Variants in SERPINI2 observed in about 807,000 individuals in gnomAD.
SERPINI2 encodes the protein serpin I2.
A neutral mutation model predicts 47.3 loss-of-function variants in SERPINI2; 48 were observed. That is an observed-to-expected ratio of 1.02 (90% CI 0.81 to 1.29). The LOEUF (loss-of-function observed/expected upper bound fraction) is 1.29, where lower values mean the gene tolerates loss of function less well. Among genes scored for constraint, SERPINI2 ranks in the 50% most tolerant of loss-of-function variants. SERPINI2 has a pLI of 0.00. For synonymous variants in SERPINI2, 135 were observed against 149.3 expected (o/e 0.90, Z 0.70); for missense variants, 448 against 456.9 (o/e 0.98, Z 0.18).
intron 5 of SERPINI2, among the ~76,000 whole-genome samples, chr3:167,458,404 C>T (rs1334409823): frequency 2.7e-5 from 4 of 150,336 alleles, no homozygotes; most frequent in Admixed American, 6.6e-5. Context: ...GCGCCTGCCA[C>T]CACGCCTGGC....
intron 7 of SERPINI2, 181 bp from the exon 8 acceptor site, chr3:167,446,662 A>G (rs1749488389): frequency 7.2e-6 from 3 of 415,968 alleles, no homozygotes; most frequent in Non-Finnish European, 8.6e-6. Flanking sequence ...AAAGTACTGA[A>G]GAATAAATAT....
intron 1 of SERPINI2, 88 bp from the exon 2 acceptor site, chr3:167,471,932 T>C: frequency 1.0e-6 from 1 of 953,222 alleles, no homozygotes; most frequent in Non-Finnish European, 1.6e-6. Flanking sequence ...TGTTGTAGCT[T>C]TCTATCTTAA....
intron 1 of SERPINI2, 51 bp from the exon 2 acceptor site, chr3:167,471,895 A>G: frequency 2.1e-6 from 3 of 1,427,528 alleles, no homozygotes; most frequent in Non-Finnish European, 2.9e-6. Context: ...AGTTTTCCAC[A>G]GAGAGCTCAA....
chr3:167,450,769 A>C (rs1334096586), intron 6 of SERPINI2, among the ~76,000 whole-genome samples: 1 of 152,130 alleles, frequency 6.6e-6, no homozygotes, highest in Non-Finnish European at 1.5e-5. Flanking sequence ...CCAAGAGGAA[A>C]GACCAAAAAG....
intron 2 of SERPINI2, among the ~76,000 whole-genome samples, chr3:167,471,284 CAT>C (rs984730670): frequency 2.6e-5 from 4 of 152,084 alleles, no homozygotes; most frequent in Admixed American, 6.6e-5. Flanking sequence ...CACACACACA[CAT>C]GCACGCCCAG....
At chr3:167,476,897 T>G (rs75746636), upstream of SERPINI2, among the ~76,000 whole-genome samples, 1 of 152,100 alleles carries the variant, frequency 6.6e-6, no homozygotes, top group African/African-American at 2.4e-5. Context: ...CATTCTACTT[T>G]TATAACATCT....
intron 8 of SERPINI2, among the ~76,000 whole-genome samples, chr3:167,444,452 C>T (rs1749414250): frequency 6.6e-6 from 1 of 152,150 alleles, no homozygotes; most frequent in Admixed American, 6.5e-5. Flanking sequence ...CATTCATCCT[C>T]ATACTTCAGA....
chr3:167,458,965 C>A (rs1025616865), intron 5 of SERPINI2, among the ~76,000 whole-genome samples: 1 of 152,132 alleles, frequency 6.6e-6, no homozygotes, highest in African/African-American at 2.4e-5. Context: ...ATCATTTTTG[C>A]CCATACACAC....
At chr3:167,458,072 T>C (rs1361812924) in intron 5 of SERPINI2, among the ~76,000 whole-genome samples, 3 of 152,156 alleles carry the variant, frequency 2.0e-5, no homozygotes, top group South Asian at 4.1e-4. Flanking sequence ...TCATTGCATA[T>C]AGGATTTATT....
intron 5 of SERPINI2, among the ~76,000 whole-genome samples, chr3:167,462,806 T>C (rs779561192): frequency 6.6e-6 from 1 of 152,102 alleles, no homozygotes; most frequent in Non-Finnish European, 1.5e-5. Context: ...AATAGTTGTA[T>C]GGGAAGTGTG....
intron 2 of SERPINI2, among the ~76,000 whole-genome samples, chr3:167,470,550 C>CTTGTTTTTTT (rs1750277158): frequency 1.7e-4 from 16 of 93,036 alleles, no homozygotes; most frequent in African/African-American, 8.5e-4. Context: ...TGAGCAACAA[C>CTTGTTTTTTT]TTTTTTTTTT....
intron 5 of SERPINI2, among the ~76,000 whole-genome samples, chr3:167,459,085 T>G (rs1749905240): frequency 1.3e-5 from 2 of 151,224 alleles, no homozygotes; most frequent in Non-Finnish European, 3.0e-5. Context: ...TTTGTTTTTT[T>G]TTTTTTTGAG....
At chr3:167,449,870 A>G (rs1749596045) in intron 6 of SERPINI2, among the ~76,000 whole-genome samples, 1 of 152,250 alleles carries the variant, frequency 6.6e-6, no homozygotes, top group Non-Finnish European at 1.5e-5. Flanking sequence ...TGCAACAGAT[A>G]AAGGTGATTT....
At chr3:167,464,526 A>T (rs959635678) in intron 5 of SERPINI2, among the ~76,000 whole-genome samples, 14 of 150,904 alleles carry the variant, frequency 9.3e-5, no homozygotes, top group Non-Finnish European at 1.5e-4. Flanking sequence ...TTGGGGCTTG[A>T]TGAGTTTGAA....
chr3:167,470,131 G>A (rs888501693), intron 2 of SERPINI2, among the ~76,000 whole-genome samples: 1 of 152,002 alleles, frequency 6.6e-6, no homozygotes, highest in African/African-American at 2.4e-5. Context: ...CACAAATATT[G>A]TATTACTTTT....
intron 7 of SERPINI2, chr3:167,446,899 T>G (rs1247306397): frequency 6.6e-6 from 1 of 152,390 alleles, no homozygotes; most frequent in Admixed American, 6.5e-5. Context: ...ACATCTGAGC[T>G]CAAATTAATT....
At chr3:167,443,749 A>G (rs1397404432) in intron 8 of SERPINI2, among the ~76,000 whole-genome samples, 1 of 152,190 alleles carries the variant, frequency 6.6e-6, no homozygotes, top group African/African-American at 2.4e-5. Flanking sequence ...CATAAAACCC[A>G]TTAGTCCCAG....
chr3:167,462,844 G>A (rs1750023632), intron 5 of SERPINI2, among the ~76,000 whole-genome samples: 1 of 152,076 alleles, frequency 6.6e-6, no homozygotes, highest in African/African-American at 2.4e-5. Context: ...CTGAGAATAA[G>A]GCCAAACAGT....
chr3:167,460,024 A>G (rs1319432603), intron 5 of SERPINI2, among the ~76,000 whole-genome samples: 1 of 152,188 alleles, frequency 6.6e-6, no homozygotes, highest in Non-Finnish European at 1.5e-5. Flanking sequence ...GCAAGGAAGG[A>G]TTCTCCTAAC....
Sources: gnomAD v4.1 joint callset for allele counts (sites outside exome capture counted in the v4.1 genomes callset) on GRCh38, gnomAD v4.1.1 for gene constraint, MANE v1.5 for transcripts, NCBI Gene and HGNC (gene_info 2026-07-23, HGNC 2026-07-21) for gene names.